The following TMOD2 variants were observed in gnomAD, a reference collection of about 807,000 sequenced individuals.
TMOD2 encodes tropomodulin-2.
A neutral mutation model predicts 39.9 loss-of-function variants in TMOD2; 22 were observed. The ratio of observed to expected loss-of-function variants is 0.55; its 90% CI spans 0.39 to 0.79. TMOD2 has a LOEUF of 0.79. TMOD2 is among the 30% of genes least tolerant of loss of function. The probability of loss-of-function intolerance (pLI) is 0.00; values close to 1 mark genes in which losing one functional copy is unlikely to be tolerated. For synonymous variants in TMOD2, 123 were observed against 146.1 expected, an observed-to-expected ratio of 0.84 and a Z score of 1.14; for missense variants, 386 against 413.3, an observed-to-expected ratio of 0.93 and a Z score of 0.57.
rs1446952256 is a variant in TMOD2 at position 51,806,579 on chromosome 15, C to G, written c.1021+58C>G. ...TAGAAGAGCATGAGCATTCACTTCT[C>G]CACTTCAGACGCAGCATCTCACAGA... On this transcript the variant is annotated intron_variant, in intron 9 of 9. Coordinates refer to ENST00000249700, the MANE Select transcript of TMOD2 (RefSeq NM_014548.4). 30 of 1,586,262 alleles carry G rather than the reference C, an allele frequency of 1.9e-5. 1 individual carries two copies. Among genetic ancestry groups the G allele is most frequent in the Non-Finnish European group, 2.6e-5 (30 of 1,158,496 alleles).
chr15:51,813,609 A>G lies in TMOD2; in HGVS notation c.*5155A>G, dbSNP rs2056170532. ...GGGCAATTCATTCAATTGCCTGCCA[A>G]TTATAGACTATATAGGGGGAAGAGC... On this transcript the variant is annotated 3_prime_UTR_variant, in exon 10 of 10. Coordinates refer to ENST00000249700, the MANE Select transcript of TMOD2 (RefSeq NM_014548.4). The G allele has an allele frequency of 6.6e-6, 1 of 152,182 alleles. No homozygotes were observed. Among genetic ancestry groups the G allele is most frequent in the Non-Finnish European group, 1.5e-5 (1 of 68,038 alleles). The allele number at this position is 152,182 out of a possible 1,614,324, so 9.4% of individuals were successfully genotyped here.
intron 1 of TMOD2, among the ~76,000 whole-genome samples, chr15:51,752,096 A>G (rs1479810397): frequency 6.6e-6 from 1 of 151,430 alleles, no homozygotes; most frequent in Non-Finnish European, 1.5e-5. Context: ...CTTCCTGTGC[A>G]TGTTTGGTGA....
chr15:51,795,577 GCTTTCTTTCTTT>G (rs202116010), intron 7 of TMOD2, among the ~76,000 whole-genome samples: 1,310 of 41,990 alleles, frequency 0.031, 19 homozygotes, highest in South Asian at 0.038. Flanking sequence ...TTGCTTGCTT[GCTTTCTTTCTTT>G]CTTTCTTTCT....
intron 3 of TMOD2, 72 bp downstream of exon 3, chr15:51,768,490 A>C (rs1252246551): frequency 7.1e-7 from 1 of 1,408,528 alleles, no homozygotes; most frequent in East Asian, 2.4e-5. Flanking sequence ...AGGCACTCTT[A>C]ATTAAGATTA....
intron 8 of TMOD2, among the ~76,000 whole-genome samples, chr15:51,798,916 T>C (rs147855707): frequency 2.8e-4 from 42 of 152,348 alleles, no homozygotes; most frequent in Middle Eastern, 3.4e-3. Flanking sequence ...ACCCATGAGA[T>C]TGTGGTCTGA....
At chr15:51,756,674 T>C (rs1213366838) in intron 1 of TMOD2, among the ~76,000 whole-genome samples, 2 of 152,150 alleles carry the variant, frequency 1.3e-5, no homozygotes, top group African/African-American at 4.8e-5. Flanking sequence ...CTTTGGCAAG[T>C]TTGTGTTGTA....
intron 7 of TMOD2, among the ~76,000 whole-genome samples, chr15:51,790,448 T>G (rs2056002839): frequency 6.6e-6 from 1 of 152,176 alleles, no homozygotes; most frequent in Admixed American, 6.5e-5. Context: ...CTGGTATCAT[T>G]CCTTCTGAAA....
At chr15:51,807,486 G>T (rs1288244552) in intron 9 of TMOD2, among the ~76,000 whole-genome samples, 2 of 152,202 alleles carry the variant, frequency 1.3e-5, no homozygotes, top group African/African-American at 4.8e-5. Context: ...TACCTGGGGG[G>T]TGCACAGGGT....
intron 5 of TMOD2, among the ~76,000 whole-genome samples, chr15:51,779,922 C>G (rs1444936084): frequency 2.0e-5 from 3 of 152,180 alleles, no homozygotes; most frequent in Non-Finnish European, 4.4e-5. Context: ...CCTCAAGAAA[C>G]TCTCTTGCTT....
chr15:51,765,689 G>A (rs1055338303), intron 1 of TMOD2, among the ~76,000 whole-genome samples: 1 of 152,028 alleles, frequency 6.6e-6, no homozygotes, highest in South Asian at 2.1e-4. Flanking sequence ...AGAGAAGAAC[G>A]GTCTGAGGGT....
intron 7 of TMOD2, among the ~76,000 whole-genome samples, chr15:51,797,084 T>C (rs1490344010): frequency 6.6e-6 from 1 of 152,244 alleles, no homozygotes; most frequent in Non-Finnish European, 1.5e-5. Flanking sequence ...TGTTTATTTC[T>C]GGGGTTGTCC....
intron 3 of TMOD2, among the ~76,000 whole-genome samples, chr15:51,771,974 A>T (rs1194582241): frequency 6.6e-6 from 1 of 152,234 alleles, no homozygotes; most frequent in East Asian, 1.9e-4. Flanking sequence ...GACTGACGAC[A>T]AGCAGTGCCT....
chr15:51,783,104 G>A (rs2055942779), intron 7 of TMOD2: 2 of 376,180 alleles, frequency 5.3e-6, no homozygotes, highest in South Asian at 5.4e-5. Flanking sequence ...TTTGCTCTGT[G>A]CTTAGGATAC....
chr15:51,806,325 G>C (rs564047568), intron 8 of TMOD2, 52 bp from the exon 9 acceptor site: 1 of 1,602,908 alleles, frequency 6.2e-7, no homozygotes, highest in Admixed American at 1.7e-5. Flanking sequence ...GCAAGTAACT[G>C]TTTCCTCTTC....
In TMOD2 at chr15:51,781,137, A is replaced by G. The variant is rs1398571992; in HGVS notation, c.587A>G (p.Asp196Gly). 2.5e-6 allele frequency: 4 copies of G among 1,612,016 alleles called. No individual in the cohort carries two copies. The African/African-American group carries it at 4.0e-5, about 16-fold the overall frequency. ...AGCCTGCAGCAGATGAAAGCCAATG[A>G]TCCTAGCTTGCAAGAAGTCAACCTC... ...EISLQQMKAN[D>G]PSLQEVNLNN... Residue 196 changes from aspartate (D) to glycine (G), a missense_variant, in exon 6 of 10, where the codon GAT becomes GGT. By Grantham distance (94) the Asp-to-Gly change is moderately conservative. Coordinates refer to ENST00000249700, the MANE Select transcript of TMOD2 (RefSeq NM_014548.4).
chr15:51,780,999 A>G, intron 5 of TMOD2, 45 bp from the exon 6 acceptor site: 3 of 1,534,370 alleles, frequency 2.0e-6, no homozygotes, highest in Non-Finnish European at 2.6e-6. Flanking sequence ...ACTGATTTTG[A>G]TAGGAGAGAC....
At chr15:51,806,971 G>A (rs1304890351) in intron 9 of TMOD2, among the ~76,000 whole-genome samples, 1 of 152,224 alleles carries the variant, frequency 6.6e-6, no homozygotes, top group Non-Finnish European at 1.5e-5. Flanking sequence ...ACATTATGAA[G>A]TTTAAACTCA....
chr15:51,814,580 G>T lies in TMOD2; in HGVS notation c.*6126G>T, dbSNP rs1047528744. ...CAAATGTTGCTTGAATTTAGCTGTC[G>T]TCCAGCCCCACAGAGTTATGCTCCA... On this transcript the variant is annotated 3_prime_UTR_variant, in exon 10 of 10. Transcript: ENST00000249700. 1 of 152,130 alleles carries T rather than the reference G, an allele frequency of 6.6e-6. No homozygotes were observed. The highest frequency in any genetic ancestry group is 6.6e-5 in the Admixed American group (1 of 15,266). 9.4% of individuals were successfully genotyped at this position (152,130 alleles called of 1,614,324 possible). A position where few individuals can be genotyped will look rare whatever the true frequency, so the allele number is the denominator to read the frequency against.
intron 4 of TMOD2, 34 bp from the exon 5 acceptor site, chr15:51,776,898 C>A: frequency 6.3e-7 from 1 of 1,575,348 alleles, no homozygotes. Context: ...ATGTGCTTCT[C>A]CAAACTTAAT....
Sources: gnomAD v4.1 joint callset for allele counts (sites outside exome capture counted in the v4.1 genomes callset) on GRCh38, gnomAD v4.1.1 for gene constraint, MANE v1.5 for transcripts, NCBI Gene and HGNC (gene_info 2026-07-23, HGNC 2026-07-21) for gene names.